RNF213: variants seen among roughly 807,000 people sequenced by gnomAD.
RNF213 encodes the protein ring finger protein 213.
In RNF213, 341 loss-of-function variants were observed where a neutral mutation model predicts 514.4. That is an observed-to-expected ratio of 0.66 (90% confidence interval 0.61 to 0.73). The LOEUF is 0.73. Among genes scored for constraint, RNF213 ranks in the 30% least tolerant of loss-of-function variants. The pLI is 0.00. For missense variants in RNF213, 5,767 were observed against 6,615.6 expected, an observed-to-expected ratio of 0.87 and a Z score of 4.45; for synonymous variants, 2,655 against 2,658.2, an observed-to-expected ratio of 1.00 and a Z score of 0.04.
rs201559472 is a variant in RNF213 at position 80,347,424 on chromosome 17, C to T, written c.9089C>T (p.Pro3030Leu). The T allele has an allele frequency of 1.5e-4, 236 of 1,613,930 alleles. 3 individuals are homozygous for T. The highest frequency in any genetic ancestry group is 1.7e-4 in the Non-Finnish European group (202 of 1,180,036). Residue 3030 changes from proline (P) to leucine (L), a missense_variant, in exon 29 of 68, where the codon CCG becomes CTG. This residue lies in a region of RNF213 where 919 missense variants were observed against 1,121.0 expected (regional missense o/e 0.82). Transcript: ENST00000582970. This position sits in a 1 kb window ranked among gnomAD's most constrained non-coding sequence, Gnocchi z 7.2. ...ATCTTTGGGCCTTCTCAGAAGGTGCCGGGTGGAGAGCAGGAAGATGCTGAG... is the reference window on the plus strand; with the variant it reads ...ATCTTTGGGCCTTCTCAGAAGGTGCTGGGTGGAGAGCAGGAAGATGCTGAG... Reference protein sequence around the residue: ...QNIFGPSQKVPGGEQEDAESR... With the variant: ...QNIFGPSQKVLGGEQEDAESR...
chr17:80,360,981 C>T (rs1052241782), intron 38 of RNF213, among the ~76,000 whole-genome samples: 2 of 152,066 alleles, frequency 1.3e-5, no homozygotes, highest in African/African-American at 2.4e-5. Flanking sequence ...GGGGCTGCAC[C>T]CCGCCCACTA....
intron 3 of RNF213, among the ~76,000 whole-genome samples, chr17:80,275,881 C>T (rs1347755843): frequency 6.6e-6 from 1 of 151,188 alleles, no homozygotes; most frequent in Non-Finnish European, 1.5e-5. Flanking sequence ...CCAGGATGGT[C>T]TCGATCTCCT....
chr17:80,333,302 C>T (rs2046469817), intron 21 of RNF213, among the ~76,000 whole-genome samples: 1 of 151,294 alleles, frequency 6.6e-6, no homozygotes, highest in African/African-American at 2.4e-5. Context: ...CCTCGTGATC[C>T]ACCCACCGTG....
intron 9 of RNF213, 137 bp downstream of exon 9, chr17:80,295,140 C>T: frequency 9.9e-7 from 1 of 1,014,770 alleles, no homozygotes; most frequent in South Asian, 1.4e-5. Context: ...TTTCTCCTAC[C>T]ACTGTCTCTT....
intron 8 of RNF213, among the ~76,000 whole-genome samples, chr17:80,293,975 C>T (rs1473378571): frequency 6.6e-6 from 1 of 152,176 alleles, no homozygotes; most frequent in African/African-American, 2.4e-5. Flanking sequence ...CCAGTCTAGA[C>T]AACTGTGGGT....
At chr17:80,337,556 G>A in intron 23 of RNF213, 30 bp from the exon 24 acceptor site, 1 of 1,534,472 alleles carries the variant, frequency 6.5e-7, no homozygotes, top group Non-Finnish European at 8.7e-7. Context: ...CTCCAACCGT[G>A]GCCCGTGTTC....
At position 80,386,367 on chromosome 17, in the gene RNF213, A is replaced by G. The variant is rs138110704; in HGVS notation, c.14657A>G (p.Tyr4886Cys). The part of the protein sequence containing the change: ...LGLCATALVS[Y>C]LIRLHNEIVY... ...CTCTGTGCTACCGCTCTCGTCAGCTACTTGATTCGCCTACACAATGAAATT... is the reference window on the plus strand; with the variant it reads ...CTCTGTGCTACCGCTCTCGTCAGCTGCTTGATTCGCCTACACAATGAAATT... Residue 4886 changes from tyrosine (Y) to cysteine (C), a missense_variant, in exon 62 of 68, where the codon TAC (tyrosine) becomes TGC (cysteine). Coordinates refer to ENST00000582970, the MANE Select transcript of RNF213 (RefSeq NM_001256071.3). 5.0e-6 allele frequency: 8 copies of G among 1,614,042 alleles called. No individual in the cohort carries two copies. In the African/African-American group the frequency reaches 8.0e-5, roughly 16 times the overall value.
intron 15 of RNF213, among the ~76,000 whole-genome samples, chr17:80,314,223 G>A (rs2045737947): frequency 8.1e-6 from 1 of 124,106 alleles, no homozygotes; most frequent in African/African-American, 3.5e-5. Context: ...GGTGATGGTG[G>A]TGGTGAAGGT....
Position 80,365,118 on chromosome 17 carries a change from C to T in RNF213, c.11871+565C>T, listed in dbSNP as rs370634100. On this transcript the variant is annotated intron_variant, in intron 42 of 67. Coordinates refer to ENST00000582970, the MANE Select transcript of RNF213 (RefSeq NM_001256071.3). ...CCCCTCTGTGGCCACGCAGTGGTGT[C>T]CAGCAACAGTGGCCACTCAGCCAAA... 8.3e-5 allele frequency: 14 copies of T among 167,688 alleles called. No individual in the cohort carries two copies. The South Asian group carries it at 8.7e-4, about 10-fold the overall frequency. 10.4% of individuals were successfully genotyped at this position (167,688 alleles called of 1,614,324 possible). A position where few individuals can be genotyped will look rare whatever the true frequency, so the allele number is the denominator to read the frequency against.
At chr17:80,311,633 A>G (rs2045577318) in intron 14 of RNF213, among the ~76,000 whole-genome samples, 1 of 152,094 alleles carries the variant, frequency 6.6e-6, no homozygotes, top group Admixed American at 6.5e-5. Context: ...TCCCAGGTAT[A>G]GTGACGCTGT....
intron 3 of RNF213, among the ~76,000 whole-genome samples, chr17:80,284,685 G>A (rs781691305): frequency 7.9e-5 from 12 of 152,148 alleles, no homozygotes; most frequent in African/African-American, 2.4e-4. Flanking sequence ...AGGCGTCTCC[G>A]GCCCTGTCTA....
chr17:80,381,259 A>G (rs2079989095), intron 56 of RNF213: 1 of 596,898 alleles, frequency 1.7e-6, no homozygotes, highest in Non-Finnish European at 3.0e-6. Context: ...TGACATCTTC[A>G]TTATTTTACC....
At chr17:80,392,262 A>G (rs891371101) in intron 67 of RNF213, among the ~76,000 whole-genome samples, 1 of 152,114 alleles carries the variant, frequency 6.6e-6, no homozygotes, top group Non-Finnish European at 1.5e-5. Context: ...TGTTCTTTCA[A>G]CTTTTTCAAC....
At position 80,398,572 on chromosome 17, in the gene RNF213, G is replaced by A. The variant is rs1056463305; in HGVS notation, c.*5074G>A. 3.9e-5 allele frequency: 6 copies of A among 152,164 alleles called. No homozygotes were observed. The highest frequency in any genetic ancestry group is 9.7e-5 in the African/African-American group (4 of 41,390). 9.4% of individuals were successfully genotyped at this position (152,164 alleles called of 1,614,324 possible). The stretch of plus-strand genomic sequence containing the variant: ...GTACCCACACCAGTTCCCGTACACA[G>A]ACACTTGGTTACAGCTGGTTTTAGA... On this transcript the variant is annotated 3_prime_UTR_variant, in exon 68 of 68. Transcript: ENST00000582970.
chr17:80,282,371 T>A (rs1461159888), intron 3 of RNF213, among the ~76,000 whole-genome samples: 13 of 152,164 alleles, frequency 8.5e-5, no homozygotes, highest in African/African-American at 3.1e-4. Context: ...CCAGCTTGAT[T>A]CAATATTTTA....
chr17:80,287,904 C>T lies in RNF213; in HGVS notation c.351C>T (p.Pro117=), dbSNP rs1269205468. ...CCTTGCCCCTTTCTCCTGCCAGCCCCTGTCACCTGACTTTGCTTTCAAACC... is the reference window on the plus strand; with the variant it reads ...CCTTGCCCCTTTCTCCTGCCAGCCCTTGTCACCTGACTTTGCTTTCAAACC... ...LASLPLSPAS[P]CHLTLLSNPW... is the part of the protein sequence containing the mutation. The change falls in exon 4 of 68, where the codon CCC becomes CCT. Residue 117 remains proline, a synonymous_variant. Transcript: ENST00000582970. 7 of 1,577,682 alleles carry T rather than the reference C, an allele frequency of 4.4e-6. No homozygotes were observed. In the African/African-American group the frequency reaches 8.2e-5, roughly 18 times the overall value.
intron 22 of RNF213, 45 bp from the exon 23 acceptor site, chr17:80,336,116 A>C: frequency 6.9e-7 from 1 of 1,456,040 alleles, no homozygotes; most frequent in Non-Finnish European, 9.3e-7. Context: ...GTCTTGTGCT[A>C]TCGTGGAATA....
chr17:80,290,035 C>G (rs530161075), intron 6 of RNF213, among the ~76,000 whole-genome samples, 198 bp downstream of exon 6: 70 of 152,320 alleles, frequency 4.6e-4, no homozygotes, highest in East Asian at 9.7e-4. Flanking sequence ...TTCCTAATAG[C>G]CCCTGGGGTC....
At chr17:80,385,413 T>G in intron 60 of RNF213, 125 bp from the exon 61 acceptor site, 1 of 945,430 alleles carries the variant, frequency 1.1e-6, no homozygotes, top group South Asian at 1.4e-5. Flanking sequence ...AAACAGCACC[T>G]CAGACATGCT....
Sources: allele counts gnomAD v4.1 joint callset (sites outside exome capture counted in the v4.1 genomes callset), GRCh38; gene constraint gnomAD v4.1.1; regional missense constraint gnomAD v4.1.1; non-coding constraint Gnocchi (gnomAD v3.1); transcripts MANE v1.5; gene names NCBI Gene and HGNC (gene_info 2026-07-23, HGNC 2026-07-21).